CELSR1: variants seen among roughly 807,000 people sequenced by gnomAD.
The protein encoded by CELSR1 is cadherin EGF LAG seven-pass G-type receptor 1.
Under a neutral mutation model 249.1 loss-of-function variants are expected in CELSR1, and 110 were observed. The observed-to-expected ratio is 0.44, with a 90% CI of 0.38 to 0.52. CELSR1 has a LOEUF of 0.52. Among genes scored for constraint, CELSR1 ranks in the 20% least tolerant of loss-of-function variants. CELSR1 has a pLI of 0.00. For synonymous variants in CELSR1, 2,113 were observed against 1,900.0 expected, an observed-to-expected ratio of 1.11 and a Z score of -2.92; for missense variants, 4,109 against 4,296.4, an observed-to-expected ratio of 0.96 and a Z score of 1.22.
intron 1 of CELSR1, among the ~76,000 whole-genome samples, chr22:46,507,547 G>A (rs983428452): frequency 2.0e-5 from 3 of 152,088 alleles, no homozygotes; most frequent in Admixed American, 6.5e-5. Context: ...AACAGCCTGC[G>A]GTGTGAGTCC....
At position 46,408,910 on chromosome 22, in the gene CELSR1, G is replaced by C. The variant is rs759009774; in HGVS notation, c.5226+86C>G. 1.9e-5 allele frequency: 21 copies of C among 1,129,618 alleles called. No homozygotes were observed. Among genetic ancestry groups the C allele is most frequent in the Non-Finnish European group, 2.6e-5 (21 of 814,896 alleles). 70.0% of individuals were successfully genotyped at this position (1,129,618 alleles called of 1,614,324 possible). ...GAGGAAGGGCGAGTAGCAGGTGCCC[G>C]AGTGTGCACCAGGAAGCCCAGCGCC... On this transcript the variant is annotated intron_variant, in intron 9 of 34. Transcript: ENST00000674500. This position sits in a 1 kb window ranked among gnomAD's most constrained non-coding sequence, Gnocchi z 4.6.
At position 46,506,047 on chromosome 22, in the gene CELSR1, C is replaced by G. The variant is rs1292122600; in HGVS notation, c.3544+27580G>C. Among the ~76,000 whole-genome samples, 2 of 151,578 alleles carry G rather than the reference C, an allele frequency of 1.3e-5. No homozygotes were observed. Among genetic ancestry groups the G allele is most frequent in the African/African-American group, 4.9e-5 (2 of 41,204 alleles). ...TACAAAAATTAGCAGGGCATGGTGG[C>G]AGGCACCTGTAATCCCAGCTACTCG... On this transcript the variant is annotated intron_variant, in intron 1 of 34. Transcript: ENST00000674500. The surrounding 1 kb of genome is among the most constrained non-coding windows in gnomAD (Gnocchi z 4.1).
chr22:46,536,157 G>A lies in CELSR1; in HGVS notation c.1014C>T (p.Tyr338=), dbSNP rs1353271092. 6.2e-7 allele frequency: 1 copy of A among 1,612,856 alleles called. No individual in the cohort carries two copies. The highest frequency in any genetic ancestry group is 8.5e-7 in the Non-Finnish European group (1 of 1,180,026). ...TGGTGTCTTTGACCAAGACAGTGAT[G>A]TAGGTGGTGGCCGAGCGCGGCGGCG... ...YSTPPRSATT[Y]ITVLVKDTND... is the part of the protein sequence containing the mutation. The change falls in exon 1 of 35, where the codon TAC becomes TAT. Residue 338 remains tyrosine (Y), a synonymous_variant. Transcript: ENST00000674500.
intron 2 of CELSR1, among the ~76,000 whole-genome samples, chr22:46,461,977 C>T (rs779094649): frequency 2.0e-5 from 3 of 152,212 alleles, no homozygotes; most frequent in Non-Finnish European, 2.9e-5. Flanking sequence ...GGGAAGCTGA[C>T]ACAGAACAGG....
At chr22:46,474,788 CTTTTTTTT>C (rs55932520) in intron 1 of CELSR1, among the ~76,000 whole-genome samples, 2 of 89,636 alleles carry the variant, frequency 2.2e-5, no homozygotes, top group African/African-American at 9.3e-5. Flanking sequence ...CTCTCTACTT[CTTTTTTTT>C]TTTTTTTTTT....
rs530683513 is a variant in CELSR1, at chr22:46,518,179, T to C, written c.3544+15448A>G. Among the ~76,000 whole-genome samples, 1 of 152,256 alleles carries C rather than the reference T, an allele frequency of 6.6e-6. No homozygotes were observed. The highest frequency in any genetic ancestry group is 2.1e-4 in the South Asian group (1 of 4,834). ...TCCATCTCGACCTCCCAAAGTGCTG[T>C]GATTGCAGGCGTGAGCCACCACGCC... On this transcript the variant is annotated intron_variant, in intron 1 of 34. Transcript: ENST00000674500. The surrounding 1 kb of genome is among the most constrained non-coding windows in gnomAD (Gnocchi z 5.2).
In CELSR1 at chr22:46,464,529, G is replaced by GCC. The variant is rs1279426582; in HGVS notation, c.3545-186_3545-185dup. 4.0e-5 allele frequency among the ~76,000 whole-genome samples: 6 copies of GCC among 150,056 alleles called. No homozygotes were observed. In the South Asian group the frequency reaches 1.3e-3, roughly 32 times the overall value. ...TTCCTCCTTCAGCACCCTGGCCCCT[G>GCC]CCCCCCATGACCACCACCTTGACCC... On this transcript the variant is annotated intron_variant, in intron 1 of 34. Coordinates refer to ENST00000674500, the MANE Select transcript of CELSR1 (RefSeq NM_001378328.1). The surrounding 1 kb of genome is among the most constrained non-coding windows in gnomAD (Gnocchi z 8.5).
intron 1 of CELSR1, among the ~76,000 whole-genome samples, chr22:46,466,423 G>C (rs2147601221): frequency 6.6e-6 from 1 of 152,316 alleles, no homozygotes; most frequent in South Asian, 2.1e-4. Context: ...CTGGTGCCCA[G>C]AACCCACACT....
At chr22:46,392,168 G>C (rs1328803588) in intron 14 of CELSR1, among the ~76,000 whole-genome samples, 2 of 152,214 alleles carry the variant, frequency 1.3e-5, no homozygotes, top group Non-Finnish European at 2.9e-5. Context: ...AAGTTGTTTT[G>C]AAAAATTAGA....
At chr22:46,510,435 G>C (rs1233802742) in intron 1 of CELSR1, among the ~76,000 whole-genome samples, 4 of 152,038 alleles carry the variant, frequency 2.6e-5, no homozygotes, top group Non-Finnish European at 5.9e-5. Flanking sequence ...AGTCCTTCAG[G>C]GCCCCATTGT....
At position 46,437,453 on chromosome 22, in the gene CELSR1, CTGGAG is replaced by C. The variant is rs2079676340; in HGVS notation, c.4407-1169_4407-1165del. ...CGAGCATCTGACCTCAGCCTTTTCT[CTGGAG>C]TTAAAATTGATGGTTTCGGCTGGCC... is the stretch of plus-strand genomic sequence containing the variant. On this transcript the variant is annotated intron_variant, in intron 3 of 34. Coordinates refer to ENST00000674500, the MANE Select transcript of CELSR1 (RefSeq NM_001378328.1). The surrounding 1 kb of genome is among the most constrained non-coding windows in gnomAD (Gnocchi z 4.9). 6.6e-6 allele frequency among the ~76,000 whole-genome samples: 1 copy of C among 152,202 alleles called. No homozygotes were observed. Among genetic ancestry groups the C allele is most frequent in the South Asian group, 2.1e-4 (1 of 4,824 alleles).
At chr22:46,489,562 CA>C (rs2080347817) in intron 1 of CELSR1, among the ~76,000 whole-genome samples, 2 of 152,016 alleles carry the variant, frequency 1.3e-5, no homozygotes, top group South Asian at 4.1e-4. Context: ...CACACTTGGA[CA>C]GAGCTGGGTT....
chr22:46,465,087 T>C (rs2080081644), intron 1 of CELSR1, among the ~76,000 whole-genome samples: 1 of 152,116 alleles, frequency 6.6e-6, no homozygotes, highest in South Asian at 2.1e-4. Context: ...GGTTGCAAAG[T>C]CGCATGCATC....
Position 46,487,278 on chromosome 22 carries a change from C to T in CELSR1, c.3545-22933G>A, listed in dbSNP as rs147474864. 7.8e-3 allele frequency among the ~76,000 whole-genome samples: 1,179 copies of T among 152,042 alleles called. 6 individuals are homozygous for T. Among genetic ancestry groups the T allele is most frequent in the African/African-American group, 0.012 (481 of 41,466 alleles). ...TTTCAGTTCTCGAGCTAATTGCAGA[C>T]GATGTCTGCAATTCATTCATAATTA... On this transcript the variant is annotated intron_variant, in intron 1 of 34. Coordinates refer to ENST00000674500, the MANE Select transcript of CELSR1 (RefSeq NM_001378328.1).
At chr22:46,481,137 A>G (rs576808150) in intron 1 of CELSR1, among the ~76,000 whole-genome samples, 4 of 152,066 alleles carry the variant, frequency 2.6e-5, no homozygotes, top group African/African-American at 7.2e-5. Flanking sequence ...CAGGAGGCTG[A>G]GGCAGAAAAA....
chr22:46,428,216 C>T lies in CELSR1; in HGVS notation c.4611+5177G>A, dbSNP rs1309271920. On this transcript the variant is annotated intron_variant, in intron 5 of 34. Transcript: ENST00000674500. The surrounding 1 kb of genome is among the most constrained non-coding windows in gnomAD (Gnocchi z 5.7). ...CTTTCCGCAGCATGCCAAAGACAGC[C>T]CCGCGCCATCTCAGAATCACCAGAA... Among the ~76,000 whole-genome samples, 1 of 152,192 alleles carries T rather than the reference C, an allele frequency of 6.6e-6. No homozygotes were observed. Among genetic ancestry groups the T allele is most frequent in the Non-Finnish European group, 1.5e-5 (1 of 68,044 alleles).
intron 32 of CELSR1, 41 bp from the exon 33 acceptor site, chr22:46,364,777 C>G (rs367853908): frequency 2.3e-5 from 36 of 1,570,416 alleles, no homozygotes; most frequent in African/African-American, 4.0e-5. Flanking sequence ...GCGGCACTGC[C>G]ACTCGAGCTG....
rs180921533 is a variant in CELSR1 at position 46,380,535 on chromosome 22, C to A, written c.7256+253G>T. 5.4e-4 allele frequency among the ~76,000 whole-genome samples: 82 copies of A among 152,358 alleles called. No individual in the cohort carries two copies. The highest frequency in any genetic ancestry group is 2.2e-3 in the Admixed American group (33 of 15,312). ...TTCCTGGGTGTCAGCCTTGAGGGAT[C>A]TCTCTGTGCGCCTGCACATCTGTAT... On this transcript the variant is annotated intron_variant, in intron 22 of 34. Transcript: ENST00000674500. The surrounding 1 kb of genome is among the most constrained non-coding windows in gnomAD (Gnocchi z 5.1).
At position 46,428,127 on chromosome 22, in the gene CELSR1, A is replaced by G. The variant is rs2079555922; in HGVS notation, c.4611+5266T>C. Among the ~76,000 whole-genome samples, 1 of 152,218 alleles carries G rather than the reference A, an allele frequency of 6.6e-6. No homozygotes were observed. The highest frequency in any genetic ancestry group is 1.5e-5 in the Non-Finnish European group (1 of 68,026). ...TCAAAGCACTTACATCCTCTGCTCAACAGAAGCAGAGGCCGGTCCTCCGGT... is the reference window on the plus strand; with the variant it reads ...TCAAAGCACTTACATCCTCTGCTCAGCAGAAGCAGAGGCCGGTCCTCCGGT... On this transcript the variant is annotated intron_variant, in intron 5 of 34. Transcript: ENST00000674500. This position sits in a 1 kb window ranked among gnomAD's most constrained non-coding sequence, Gnocchi z 5.7.
Sources: allele counts gnomAD v4.1 joint callset (sites outside exome capture counted in the v4.1 genomes callset), GRCh38; gene constraint gnomAD v4.1.1; non-coding constraint Gnocchi (gnomAD v3.1); transcripts MANE v1.5; gene names NCBI Gene and HGNC (gene_info 2026-07-23, HGNC 2026-07-21).